DOCK1: variants seen among roughly 807,000 people sequenced by gnomAD.
DOCK1 encodes dedicator of cytokinesis 1.
A neutral mutation model predicts 262.7 loss-of-function variants in DOCK1; 138 were observed. That is an observed-to-expected ratio of 0.53 (90% CI 0.46 to 0.61). DOCK1 has a LOEUF of 0.61. Among genes scored for constraint, DOCK1 ranks in the 20% least tolerant of loss-of-function variants. DOCK1 has a pLI of 0.00. For missense variants in DOCK1, 1,908 were observed against 2,370.7 expected, an observed-to-expected ratio of 0.80 and a Z score of 4.05; for synonymous variants, 866 against 867.4, an observed-to-expected ratio of 1.00 and a Z score of 0.03.
intron 1 of DOCK1, among the ~76,000 whole-genome samples, chr10:126,925,618 G>A (rs2033637701): frequency 6.6e-6 from 1 of 152,230 alleles, no homozygotes; most frequent in African/African-American, 2.4e-5. Flanking sequence ...TCTTGATCTC[G>A]TGATCCGCCT....
chr10:126,963,122 C>G (rs2037354087), intron 1 of DOCK1, among the ~76,000 whole-genome samples: 2 of 152,168 alleles, frequency 1.3e-5, no homozygotes, highest in South Asian at 2.1e-4. Flanking sequence ...GTTTTGATTA[C>G]TGTAGCTTTG....
chr10:127,049,311 A>G (rs1332916661), intron 21 of DOCK1, among the ~76,000 whole-genome samples: 1 of 152,152 alleles, frequency 6.6e-6, no homozygotes, highest in Non-Finnish European at 1.5e-5. Flanking sequence ...AGTTGAGTTC[A>G]GGAGTTTGAG....
At chr10:127,250,359 G>T (rs976543163) in intron 28 of DOCK1, among the ~76,000 whole-genome samples, 10 of 152,228 alleles carry the variant, frequency 6.6e-5, no homozygotes, top group African/African-American at 2.4e-4. Flanking sequence ...AATTCCAAGT[G>T]TGTGCCCTCT....
At chr10:127,329,639 C>T (rs2062891275) in intron 29 of DOCK1, among the ~76,000 whole-genome samples, 1 of 152,070 alleles carries the variant, frequency 6.6e-6, no homozygotes, top group South Asian at 2.1e-4. Context: ...CCTCCCCCAG[C>T]AGTAGAGACT....
At position 127,016,735 on chromosome 10, in the gene DOCK1, A is replaced by C. The variant is rs1477290213; in HGVS notation, c.1202-1975A>C. The stretch of plus-strand genomic sequence containing the variant: ...ATACGCACATACACACACACACACC[A>C]CACACACACACACTAACACAGATAT... On this transcript the variant is annotated intron_variant, in intron 12 of 51. Transcript: ENST00000623213. Among the ~76,000 whole-genome samples the C allele has an allele frequency of 1.9e-4, 15 of 77,790 alleles. No homozygotes were observed. The East Asian group carries it at 4.7e-3, about 24-fold the overall frequency. 51.0% of individuals were successfully genotyped at this position (77,790 alleles called of 152,430 possible).
intron 27 of DOCK1, among the ~76,000 whole-genome samples, chr10:127,201,207 C>A (rs1011725576): frequency 6.6e-6 from 1 of 152,222 alleles, no homozygotes; most frequent in African/African-American, 2.4e-5. Context: ...AGGCTTTCTG[C>A]ATCATTCCCC....
intron 16 of DOCK1, among the ~76,000 whole-genome samples, chr10:127,027,220 C>T (rs1434810797): frequency 2.6e-5 from 4 of 152,344 alleles, no homozygotes; most frequent in Non-Finnish European, 5.9e-5. Context: ...GGGGTCACAC[C>T]GTGCAGTGGG....
In DOCK1 at chr10:127,119,381, C is replaced by T. The variant is rs147225146; in HGVS notation, c.2624-6093C>T. Among the ~76,000 whole-genome samples, 99 of 152,248 alleles carry T rather than the reference C, an allele frequency of 6.5e-4. 2 individuals carry two copies. The East Asian group carries it at 0.018, about 27-fold the overall frequency. ...TCTAATAATTCTGACTCCGATGGTG[C>T]GTAGAGGTGCAGTCCTGAAGGTCCC... On this transcript the variant is annotated intron_variant, in intron 25 of 51. Transcript: ENST00000623213.
intron 23 of DOCK1, among the ~76,000 whole-genome samples, chr10:127,069,357 G>A (rs554616506): frequency 3.9e-5 from 6 of 152,244 alleles, no homozygotes; most frequent in South Asian, 2.1e-4. Context: ...ACTCCGGTGC[G>A]TTCCACTCCC....
At chr10:126,989,268 A>T (rs1050354467) in intron 5 of DOCK1, among the ~76,000 whole-genome samples, 2 of 152,102 alleles carry the variant, frequency 1.3e-5, no homozygotes, top group African/African-American at 2.4e-5. Flanking sequence ...GGAGTTTTTT[A>T]AAAAAGTGGC....
At chr10:127,076,415 C>T (rs113847670) in intron 23 of DOCK1, among the ~76,000 whole-genome samples, 4,934 of 152,258 alleles carry the variant, frequency 0.032, 133 homozygotes, top group Middle Eastern at 0.041. Flanking sequence ...GCAGGAGAAT[C>T]GCTTGAACCC....
chr10:126,986,873 G>A (rs1282288053), intron 4 of DOCK1, among the ~76,000 whole-genome samples: 1 of 152,174 alleles, frequency 6.6e-6, no homozygotes, highest in Non-Finnish European at 1.5e-5. Flanking sequence ...TTGCACCACT[G>A]CACTCCAGCC....
chr10:127,213,415 T>G (rs1208236140), intron 27 of DOCK1, among the ~76,000 whole-genome samples: 1 of 152,244 alleles, frequency 6.6e-6, no homozygotes, highest in East Asian at 1.9e-4. Context: ...TACTTTTGTG[T>G]ACTTCTGAGC....
At chr10:127,085,619 A>G (rs994152549) in intron 23 of DOCK1, among the ~76,000 whole-genome samples, 1 of 152,080 alleles carries the variant, frequency 6.6e-6, no homozygotes, top group Admixed American at 6.6e-5. Context: ...TTACCAGGGC[A>G]TGGTGGTGGG....
intron 27 of DOCK1, among the ~76,000 whole-genome samples, chr10:127,235,181 C>A (rs1590058733): frequency 6.6e-6 from 1 of 151,206 alleles, no homozygotes; most frequent in Admixed American, 6.6e-5. Context: ...AAATGATATA[C>A]TTTATATTTT....
chr10:127,349,387 T>C (rs914317543), intron 31 of DOCK1, among the ~76,000 whole-genome samples: 3 of 152,130 alleles, frequency 2.0e-5, no homozygotes, highest in Admixed American at 2.0e-4. Context: ...CTCAGGACTC[T>C]CCTGAGCTTT....
intron 5 of DOCK1, 113 bp downstream of exon 5, chr10:126,987,730 C>T (rs1274611789): frequency 2.1e-5 from 21 of 992,148 alleles, no homozygotes; most frequent in Admixed American, 2.7e-5. Flanking sequence ...GCAGAGCTTC[C>T]GAGACAGAGT....
At position 127,451,216 on chromosome 10, in the gene DOCK1, G is replaced by A. The variant is rs1317833023; in HGVS notation, c.5566-116G>A. 3 of 1,173,150 alleles carry A rather than the reference G, an allele frequency of 2.6e-6. No homozygotes were observed. The South Asian group carries it at 4.0e-5, about 16-fold the overall frequency. The allele number at this position is 1,173,150 out of a possible 1,614,324, so 72.7% of individuals were successfully genotyped here. On this transcript the variant is annotated intron_variant, in intron 51 of 51. Coordinates refer to ENST00000623213, the MANE Select transcript of DOCK1 (RefSeq NM_001290223.2). ...TCGGACAGGATGGAGCCCAACTCAT[G>A]TGGGGAGGATGGTTCCGGCTGAGTG... is the stretch of plus-strand genomic sequence containing the variant.
intron 29 of DOCK1, among the ~76,000 whole-genome samples, chr10:127,270,897 G>A (rs2060539294): frequency 6.6e-6 from 1 of 151,894 alleles, no homozygotes; most frequent in South Asian, 2.1e-4. Context: ...TATCTGATTA[G>A]GTTGAGCACA....
Sources: allele counts gnomAD v4.1 joint callset (sites outside exome capture counted in the v4.1 genomes callset), GRCh38; gene constraint gnomAD v4.1.1; transcripts MANE v1.5; gene names NCBI Gene and HGNC (gene_info 2026-07-23, HGNC 2026-07-21).